PCDHGA9: variants seen among roughly 807,000 people sequenced by gnomAD.
PCDHGA9 encodes the protein protocadherin gamma-A9.
A neutral mutation model predicts 62.5 loss-of-function variants in PCDHGA9; 37 were observed. That is an observed-to-expected ratio of 0.59 (90% CI 0.46 to 0.78). PCDHGA9 has a LOEUF of 0.78. Ranked by LOEUF, PCDHGA9 falls within the 30% of genes least tolerant of loss-of-function variation. PCDHGA9 has a pLI of 0.00. For synonymous variants in PCDHGA9, 459 were observed against 484.6 expected (o/e 0.95, Z 0.69); for missense variants, 1,138 against 1,166.2 (o/e 0.98, Z 0.35).
intron 1 of PCDHGA9, among the ~76,000 whole-genome samples, chr5:141,484,319 C>T (rs1191113560): frequency 6.6e-6 from 1 of 152,212 alleles, no homozygotes; most frequent in Non-Finnish European, 1.5e-5. Context: ...CGCTTCCATA[C>T]TGTCCTTGAA....
At chr5:141,456,044 C>T (rs1307913066) in intron 1 of PCDHGA9, among the ~76,000 whole-genome samples, 2 of 151,826 alleles carry the variant, frequency 1.3e-5, no homozygotes, top group African/African-American at 2.4e-5. Context: ...ACTACAGGCG[C>T]CCACCACCAC....
intron 1 of PCDHGA9, chr5:141,417,742 G>A: frequency 7.0e-7 from 1 of 1,418,808 alleles, no homozygotes. Flanking sequence ...CAGCACACCA[G>A]ATTGCCAGCT....
chr5:141,500,445 G>A (rs1319009998), intron 2 of PCDHGA9, among the ~76,000 whole-genome samples: 1 of 151,816 alleles, frequency 6.6e-6, no homozygotes, highest in Non-Finnish European at 1.5e-5. Flanking sequence ...TCCTGACCTC[G>A]TGATCCGCCC....
rs768985461 is a variant in PCDHGA9, at chr5:141,403,714, C to T, written c.762C>T (p.Asn254=). ...QRIYRVKVLE[N]VPPGTWLLTA... ...TTTACCGAGTTAAAGTCCTTGAGAA[C>T]GTGCCCCCAGGCACCTGGCTGCTTA... Residue 254 remains asparagine, a synonymous_variant, in exon 1 of 4, where the codon AAC becomes AAT. Transcript: ENST00000573521. 10 of 1,613,792 alleles carry T rather than the reference C, an allele frequency of 6.2e-6. No homozygotes were observed. In the South Asian group the frequency reaches 6.6e-5, roughly 11 times the overall value.
In PCDHGA9 at chr5:141,476,218, C is replaced by G. The variant is rs1562052166; in HGVS notation, c.2425-18589C>G. On this transcript the variant is annotated intron_variant, in intron 1 of 3. Transcript: ENST00000573521. The surrounding 1 kb of genome is among the most constrained non-coding windows in gnomAD (Gnocchi z 7.6). ...TGAACAAGGCTTCCACGGTCATTCA[C>G]TATGAGATCCCGGAGGAAAGAGAGA... is the stretch of plus-strand genomic sequence containing the variant. 1 of 1,613,984 alleles carries G rather than the reference C, an allele frequency of 6.2e-7. No homozygotes were observed.
Position 141,486,672 on chromosome 5 carries a change from G to A in PCDHGA9, c.2425-8135G>A. The A allele has an allele frequency of 5.0e-6, 8 of 1,614,000 alleles. No homozygotes were observed. Among genetic ancestry groups the A allele is most frequent in the Non-Finnish European group, 5.9e-6 (7 of 1,180,028 alleles). On this transcript the variant is annotated intron_variant, in intron 1 of 3. Coordinates refer to ENST00000573521, the MANE Select transcript of PCDHGA9 (RefSeq NM_018921.3). This position sits in a 1 kb window ranked among gnomAD's most constrained non-coding sequence, Gnocchi z 5.0. Reference sequence around the variant, plus strand: ...TACTCACTCCTGGAGCCCAGGAATCGAGATGTATCAGCTTCCTCTTTCATC... The same window carrying A: ...TACTCACTCCTGGAGCCCAGGAATCAAGATGTATCAGCTTCCTCTTTCATC...
chr5:141,419,773 C>CAG, intron 1 of PCDHGA9: 1 of 1,614,034 alleles, frequency 6.2e-7, no homozygotes, highest in Non-Finnish European at 8.5e-7. Flanking sequence ...AGGACTCGGT[C>CAG]CGCCAGCGCC....
intron 1 of PCDHGA9, chr5:141,420,364 ACTT>A (rs746817317): frequency 1.3e-4 from 174 of 1,368,558 alleles, no homozygotes; most frequent in Non-Finnish European, 1.6e-4. Context: ...ATTCTAGATA[ACTT>A]CTTCATAGAG....
chr5:141,446,423 T>C (rs745968692), intron 1 of PCDHGA9, among the ~76,000 whole-genome samples: 1 of 152,152 alleles, frequency 6.6e-6, no homozygotes, highest in Non-Finnish European at 1.5e-5. Context: ...CATGTTCATT[T>C]GAAGGATCTG....
At chr5:141,421,824 A>G in intron 1 of PCDHGA9, 1 of 1,613,768 alleles carries the variant, frequency 6.2e-7, no homozygotes, top group Non-Finnish European at 8.5e-7. Flanking sequence ...TACTGGAGGG[A>G]AGCCTGGACC....
At chr5:141,449,055 A>T (rs1056298558) in intron 1 of PCDHGA9, among the ~76,000 whole-genome samples, 1 of 152,188 alleles carries the variant, frequency 6.6e-6, no homozygotes, top group Non-Finnish European at 1.5e-5. Context: ...CTCATAAATG[A>T]GCGCTATTGA....
At chr5:141,459,236 G>A (rs1248794102) in intron 1 of PCDHGA9, among the ~76,000 whole-genome samples, 2 of 152,176 alleles carry the variant, frequency 1.3e-5, no homozygotes, top group African/African-American at 2.4e-5. Context: ...CAACTGGTCT[G>A]CTTCCTGTCA....
intron 1 of PCDHGA9, chr5:141,441,945 G>A: frequency 3.0e-6 from 1 of 333,884 alleles, no homozygotes; most frequent in Non-Finnish European, 5.8e-6. Flanking sequence ...ACCACGTGCT[G>A]CAGGCCAGCA....
chr5:141,491,496 C>T lies in PCDHGA9; in HGVS notation c.2425-3311C>T, dbSNP rs372523924. ...AGTCCAGCCCCAACCTGCAGGTGAG[C>T]TCGGACGGCACGCTCAAGTACATGG... On this transcript the variant is annotated intron_variant, in intron 1 of 3. Transcript: ENST00000573521. This position sits in a 1 kb window ranked among gnomAD's most constrained non-coding sequence, Gnocchi z 6.9. 2.9e-5 allele frequency: 47 copies of T among 1,614,004 alleles called. No individual in the cohort carries two copies. Among genetic ancestry groups the T allele is most frequent in the Non-Finnish European group, 3.7e-5 (44 of 1,180,026 alleles).
chr5:141,450,948 C>T (rs1250110393), intron 1 of PCDHGA9, among the ~76,000 whole-genome samples: 2 of 151,870 alleles, frequency 1.3e-5, no homozygotes, highest in East Asian at 3.9e-4. Flanking sequence ...CCTCAGCCTC[C>T]CAAGTAGCTG....
Position 141,486,895 on chromosome 5 carries a change from C to T in PCDHGA9, c.2425-7912C>T, listed in dbSNP as rs1286004461. ...TCCGTCCTCGGGCCCGGCCTGGTTC[C>T]TTATGTCCCCAAGCACTGCCTCCAT... On this transcript the variant is annotated intron_variant, in intron 1 of 3. Coordinates refer to ENST00000573521, the MANE Select transcript of PCDHGA9 (RefSeq NM_018921.3). This position sits in a 1 kb window ranked among gnomAD's most constrained non-coding sequence, Gnocchi z 5.0. 3 of 1,614,134 alleles carry T rather than the reference C, an allele frequency of 1.9e-6. No homozygotes were observed. The highest frequency in any genetic ancestry group is 3.3e-5 in the Admixed American group (2 of 60,012).
At chr5:141,458,438 CCCA>C (rs1221646653) in intron 1 of PCDHGA9, among the ~76,000 whole-genome samples, 3 of 152,024 alleles carry the variant, frequency 2.0e-5, no homozygotes, top group African/African-American at 7.2e-5. Context: ...GAGGAGGTCC[CCCA>C]CATTAACAAT....
chr5:141,411,515 T>A (rs1381474249), intron 1 of PCDHGA9: 1 of 151,910 alleles, frequency 6.6e-6, no homozygotes, highest in East Asian at 1.9e-4. Flanking sequence ...TCCTGGGAGG[T>A]CAAGGTTGCA....
intron 1 of PCDHGA9, chr5:141,427,797 G>A (rs1194658203): frequency 6.0e-6 from 9 of 1,505,188 alleles, no homozygotes; most frequent in Admixed American, 3.4e-5. Context: ...CTACGTGTCC[G>A]TGAGCGCACA....
Sources: allele counts gnomAD v4.1 joint callset (sites outside exome capture counted in the v4.1 genomes callset), GRCh38; gene constraint gnomAD v4.1.1; non-coding constraint Gnocchi (gnomAD v3.1); transcripts MANE v1.5; gene names NCBI Gene and HGNC (gene_info 2026-07-23, HGNC 2026-07-21).